The following TEX11 variants were observed in gnomAD, a reference collection of about 807,000 sequenced individuals.
TEX11 encodes testis expressed 11.
A neutral mutation model predicts 84.4 loss-of-function variants in TEX11; 7 were observed. That is an observed-to-expected ratio of 0.08 (90% CI 0.05 to 0.16). TEX11 has a LOEUF of 0.16. TEX11 is among the 10% of genes least tolerant of loss of function. TEX11 has a pLI of 1.00. For missense variants in TEX11, 551 were observed against 660.5 expected (o/e 0.83, Z 1.82); for synonymous variants, 264 against 222.8 (o/e 1.18, Z -1.64).
chrX:70,814,748 T>C (rs1477666317), intron 8 of TEX11, among the ~76,000 whole-genome samples: 1 of 112,796 alleles, frequency 8.9e-6, no homozygotes, highest in African/African-American at 3.2e-5. Context: ...CAGACATCAA[T>C]TGGCCATTTC....
intron 25 of TEX11, among the ~76,000 whole-genome samples, chrX:70,579,890 T>C (rs78240417): frequency 0.079 from 8,810 of 111,897 alleles, 422 homozygotes; most frequent in Admixed American, 0.25. Flanking sequence ...CCTTGTACAC[T>C]GCTGGTGGGA....
chrX:70,749,411 A>C (rs1384571959), intron 9 of TEX11, among the ~76,000 whole-genome samples: 1 of 110,574 alleles, frequency 9.0e-6, no homozygotes, highest in Non-Finnish European at 1.9e-5. Flanking sequence ...AACACCTTTT[A>C]TTTCCTTCTC....
intron 25 of TEX11, among the ~76,000 whole-genome samples, chrX:70,558,915 T>C (rs2088325188): frequency 8.9e-6 from 1 of 111,836 alleles, no homozygotes; most frequent in Admixed American, 9.5e-5. Flanking sequence ...AGGCAGGTAA[T>C]ACAAGTGTTG....
intron 25 of TEX11, among the ~76,000 whole-genome samples, chrX:70,568,082 A>G (rs1263649709): frequency 1.8e-5 from 2 of 111,411 alleles, no homozygotes; most frequent in South Asian, 3.8e-4. Flanking sequence ...TATGAATCAG[A>G]GTGCTCCTGT....
intron 8 of TEX11, among the ~76,000 whole-genome samples, chrX:70,818,150 G>A (rs771355297): frequency 5.4e-5 from 6 of 110,657 alleles, no homozygotes; most frequent in Non-Finnish European, 9.5e-5. Context: ...TTATCCAGGC[G>A]TGGTGACGCG....
At chrX:70,747,096 A>G (rs1246818289) in intron 9 of TEX11, among the ~76,000 whole-genome samples, 3 of 112,073 alleles carry the variant, frequency 2.7e-5, no homozygotes, top group South Asian at 3.7e-4. Context: ...GACTGTGCAC[A>G]TGCTCAAGAC....
At chrX:70,842,788 C>A (rs1238150158) in intron 7 of TEX11, among the ~76,000 whole-genome samples, 8 of 111,660 alleles carry the variant, frequency 7.2e-5, no homozygotes, top group East Asian at 2.8e-4. Context: ...GCAAAGTCTC[C>A]GGACACAAAA....
intron 2 of TEX11, among the ~76,000 whole-genome samples, chrX:70,899,948 G>T (rs2091793019): frequency 2.0e-5 from 2 of 100,309 alleles, no homozygotes; most frequent in African/African-American, 7.2e-5. Flanking sequence ...GAGGTCAGGA[G>T]TTTCACCATG....
intron 25 of TEX11, among the ~76,000 whole-genome samples, chrX:70,569,571 C>T (rs1340180707): frequency 9.0e-6 from 1 of 111,460 alleles, no homozygotes; most frequent in African/African-American, 3.3e-5. Flanking sequence ...TGGTGATGTA[C>T]AGATGGGTTT....
At chrX:70,657,982 G>A (rs1397924114) in intron 16 of TEX11, among the ~76,000 whole-genome samples, 7 of 100,664 alleles carry the variant, frequency 7.0e-5, no homozygotes, top group Non-Finnish European at 1.0e-4. Context: ...GCTAAATGAC[G>A]AGTTAATGGG....
intron 2 of TEX11, among the ~76,000 whole-genome samples, chrX:70,907,427 G>A (rs1370378267): frequency 9.3e-6 from 1 of 107,590 alleles, no homozygotes; most frequent in Non-Finnish European, 1.9e-5. Flanking sequence ...TTTTTTTTGA[G>A]ACGGAGTCTC....
At chrX:70,727,802 A>G (rs748795627) in intron 11 of TEX11, among the ~76,000 whole-genome samples, 1 of 110,882 alleles carries the variant, frequency 9.0e-6, no homozygotes, top group African/African-American at 3.3e-5. Context: ...TATAGAAAGA[A>G]GGTGGCCATC....
rs1428661226 is a variant in TEX11 at position 70,643,170 on chromosome X, A to G, written c.1483+8280T>C. 5.4e-4 allele frequency among the ~76,000 whole-genome samples: 51 copies of G among 93,763 alleles called. No individual in the cohort carries two copies. The East Asian group carries it at 8.3e-3, about 15-fold the overall frequency. The allele number at this position is 93,763 out of a possible 115,157, so 81.4% of individuals were successfully genotyped here. ...AATCATGAGTGAACTCCCATTCACA[A>G]TTGCTTCAAAGAGAATAAAATACCT... On this transcript the variant is annotated intron_variant, in intron 17 of 29. Transcript: ENST00000374333.
intron 9 of TEX11, among the ~76,000 whole-genome samples, chrX:70,785,096 C>T (rs1461764453): frequency 8.9e-6 from 1 of 111,902 alleles, no homozygotes; most frequent in Non-Finnish European, 1.9e-5. Context: ...TCTACAGTAA[C>T]CAAAACAGCA....
At chrX:70,614,724 C>G (rs769037007) in intron 20 of TEX11, among the ~76,000 whole-genome samples, 25 of 111,609 alleles carry the variant, frequency 2.2e-4, no homozygotes, top group African/African-American at 8.1e-4. Flanking sequence ...GCTGTGTTGG[C>G]TTCAAGTCTG....
chrX:70,713,685 C>A (rs1441264603), intron 13 of TEX11, among the ~76,000 whole-genome samples: 5 of 110,828 alleles, frequency 4.5e-5, no homozygotes, highest in Non-Finnish European at 9.5e-5. Context: ...TCTCTCTTTT[C>A]TTCTTTATTA....
intron 17 of TEX11, among the ~76,000 whole-genome samples, chrX:70,642,080 AG>A (rs1356301743): frequency 2.7e-5 from 3 of 110,631 alleles, no homozygotes; most frequent in Non-Finnish European, 5.7e-5. Flanking sequence ...AAAATGATAA[AG>A]GGGATATCAC....
At chrX:70,818,777 G>C (rs111738274) in intron 8 of TEX11, among the ~76,000 whole-genome samples, 7 of 110,975 alleles carry the variant, frequency 6.3e-5, no homozygotes, top group Non-Finnish European at 1.3e-4. Context: ...CACCAATCTA[G>C]CACACCTGCA....
At chrX:70,553,498 T>A (rs2147947657) in intron 26 of TEX11, 84 bp from the exon 27 acceptor site, 1 of 553,836 alleles carries the variant, frequency 1.8e-6, no homozygotes, top group East Asian at 3.8e-5. Context: ...TTGCTTTCTC[T>A]AATGAAACTG....
Sources: allele counts gnomAD v4.1 joint callset (sites outside exome capture counted in the v4.1 genomes callset), GRCh38; gene constraint gnomAD v4.1.1; transcripts MANE v1.5; gene names NCBI Gene and HGNC (gene_info 2026-07-23, HGNC 2026-07-21).